Variants in PAX6 observed in about 807,000 individuals in gnomAD.
PAX6 encodes paired box protein Pax-6.
PAX6 carries 7 observed loss-of-function variants against 60.7 expected under a neutral mutation model. That is an observed-to-expected ratio of 0.12 (90% CI 0.07 to 0.22). The LOEUF (loss-of-function observed/expected upper bound fraction) is 0.22. Among genes scored for constraint, PAX6 ranks in the 10% least tolerant of loss-of-function variants. PAX6 has a pLI of 1.00. For synonymous variants in PAX6, 208 were observed against 201.2 expected (o/e 1.03, Z -0.29); for missense variants, 355 against 555.2 (o/e 0.64, Z 3.62).
At chr11:31,800,323 C>G (rs1044340236) in intron 8 of PAX6, among the ~76,000 whole-genome samples, 2 of 152,194 alleles carry the variant, frequency 1.3e-5, no homozygotes, top group African/African-American at 4.8e-5. Context: ...ACCTCGCAGT[C>G]TGTCAGTGCG....
intron 8 of PAX6, among the ~76,000 whole-genome samples, chr11:31,797,089 C>T (rs1565216386): frequency 6.6e-6 from 1 of 152,116 alleles, no homozygotes; most frequent in Non-Finnish European, 1.5e-5. Flanking sequence ...ACTAGAAAGG[C>T]CGGAGGGTTA....
intron 8 of PAX6, among the ~76,000 whole-genome samples, chr11:31,799,376 C>A (rs1361746153): frequency 6.6e-6 from 1 of 152,098 alleles, no homozygotes; most frequent in Admixed American, 6.5e-5. Context: ...AAGAAGCGAG[C>A]GCTTTGCTCC....
At chr11:31,810,125 G>C in intron 2 of PAX6, 1 of 152,312 alleles carries the variant, frequency 6.6e-6, no homozygotes, top group Admixed American at 6.5e-5. Context: ...TGGCCTGGTG[G>C]CTTCCTTCCC....
At chr11:31,811,872 C>T (rs1957068675), upstream of PAX6, 1 of 152,512 alleles carries the variant, frequency 6.6e-6, no homozygotes, top group Non-Finnish European at 1.5e-5. Flanking sequence ...TCCATTCCAG[C>T]TGCGGAGGCC....
intron 1 of PAX6, among the ~76,000 whole-genome samples, chr11:31,816,934 G>A (rs1957409799): frequency 6.6e-6 from 1 of 152,248 alleles, no homozygotes; most frequent in Admixed American, 6.5e-5. Flanking sequence ...CGGGCTCCCA[G>A]GACTTTCGCC....
chr11:31,799,639 G>A (rs762210877), intron 8 of PAX6, among the ~76,000 whole-genome samples: 4 of 152,066 alleles, frequency 2.6e-5, no homozygotes. Context: ...CAGATATTTC[G>A]CATACTGTTA....
Position 31,800,842 on chromosome 11 carries a change from GT to G in PAX6, c.413del (p.Asn138ThrfsTer23), listed in dbSNP as rs886041221. The stretch of plus-strand genomic sequence containing the variant: ...CGCTAGCCAGGTTGCGAAGAACTCT[GT>G]TTATTGATGACACCTGCAAATCAAA... ...NDNIPSVSSI[N>X]RVLRNLASEK... On this transcript the variant is annotated frameshift_variant, in exon 8 of 14. Coordinates refer to ENST00000640368, the MANE Select transcript of PAX6 (RefSeq NM_001368894.2). LOFTEE classifies it high-confidence loss of function. The G allele has an allele frequency of 6.2e-7, 1 of 1,614,138 alleles. No homozygotes were observed. Among genetic ancestry groups the G allele is most frequent in the Non-Finnish European group, 8.5e-7 (1 of 1,179,992 alleles).
At chr11:31,806,196 G>A (rs1484295776) in intron 4 of PAX6, 2 of 536,554 alleles carry the variant, frequency 3.7e-6, no homozygotes, top group Non-Finnish European at 6.5e-6. Flanking sequence ...CCCAGCCCCT[G>A]CTTCTCCAGT....
intron 8 of PAX6, 43 bp from the exon 9 acceptor site, chr11:31,794,831 C>T: frequency 6.2e-7 from 1 of 1,602,920 alleles, no homozygotes; most frequent in Non-Finnish European, 8.5e-7. Flanking sequence ...TTTGGATTAA[C>T]TTGGAGCCTC....
Position 31,801,663 on chromosome 11 carries a change from G to C in PAX6, c.297C>G (p.Ser99Arg). Reference sequence around the variant, plus strand: ...ACTCCCGCTTATACTGGGCTATTTTGCTTACAACTTCTGGAGTCGCTACTC... The same window carrying C: ...ACTCCCGCTTATACTGGGCTATTTTCCTTACAACTTCTGGAGTCGCTACTC... ...KPRVATPEVV[S>R]KIAQYKRECP... Residue 99 changes from serine (S) to arginine (R), a missense_variant, in exon 7 of 14, where the codon AGC (serine) becomes AGG (arginine). By Grantham distance (110) the Ser-to-Arg change is moderately radical (BLOSUM62 -1). This residue lies in a region of PAX6 where 143 missense variants were observed against 183.6 expected (regional missense o/e 0.78). Coordinates refer to ENST00000640368, the MANE Select transcript of PAX6 (RefSeq NM_001368894.2). 1 of 1,614,114 alleles carries C rather than the reference G, an allele frequency of 6.2e-7. No homozygotes were observed. The highest frequency in any genetic ancestry group is 8.5e-7 in the Non-Finnish European group (1 of 1,180,030).
intron 12 of PAX6, chr11:31,791,242 G>T (rs1160819461): frequency 1.6e-5 from 6 of 366,350 alleles, no homozygotes; most frequent in Non-Finnish European, 2.6e-5. Context: ...ATTTATTTGG[G>T]AACCCTATGA....
upstream of PAX6, chr11:31,814,443 A>G (rs1957275816): frequency 6.6e-6 from 1 of 152,238 alleles, no homozygotes; most frequent in Non-Finnish European, 1.5e-5. Flanking sequence ...CTTCAGAACC[A>G]AGAGCCTCCC....
chr11:31,815,463 G>A (rs1377776652), upstream of PAX6, among the ~76,000 whole-genome samples: 2 of 152,028 alleles, frequency 1.3e-5, no homozygotes, highest in African/African-American at 2.4e-5. Context: ...GATTTGTCCC[G>A]TTGTAGACCT....
rs1950981982 is a variant in PAX6 at position 31,794,714 on chromosome 11, C to G, written c.640G>C (p.Ala214Pro). ...CGCTTCAGCTGAAGTCGCATTTGAG[C>G]CTCATCTGAATCTTCTCCGTTGGAA... Reference protein sequence around the residue: ...ISSNGEDSDEAQMRLQLKRKL... With the variant: ...ISSNGEDSDEPQMRLQLKRKL... Residue 214 changes from alanine to proline, a missense_variant, in exon 9 of 14, where the codon GCT becomes CCT. Coordinates refer to ENST00000640368, the MANE Select transcript of PAX6 (RefSeq NM_001368894.2). 1 of 1,614,012 alleles carries G rather than the reference C, an allele frequency of 6.2e-7. No individual in the cohort carries two copies. The highest frequency in any genetic ancestry group is 8.5e-7 in the Non-Finnish European group (1 of 1,180,004).
At chr11:31,815,708 G>A (rs796717241), upstream of PAX6, among the ~76,000 whole-genome samples, 13 of 150,456 alleles carry the variant, frequency 8.6e-5, no homozygotes, top group African/African-American at 3.2e-4. Context: ...TTAGCGACAG[G>A]AGAACAGAGG....
chr11:31,801,343 A>G (rs1459714784), intron 7 of PAX6: 1 of 1,455,526 alleles, frequency 6.9e-7, no homozygotes, highest in Non-Finnish European at 9.0e-7. Flanking sequence ...TGCAGCATGC[A>G]AATGAAGTGA....
chr11:31,800,580 C>G (rs1953373019), intron 8 of PAX6, 111 bp downstream of exon 8: 4 of 1,301,146 alleles, frequency 3.1e-6, no homozygotes, highest in Middle Eastern at 2.4e-4. Context: ...GCAGTCTCAC[C>G]CATGACATTC....
Position 31,802,775 on chromosome 11 carries a change from A to C in PAX6, c.70T>G (p.Ser24Ala), listed in dbSNP as rs1819194915. 2.5e-6 allele frequency: 4 copies of C among 1,613,880 alleles called. No individual in the cohort carries two copies. The highest frequency in any genetic ancestry group is 1.3e-5 in the African/African-American group (1 of 74,906). The change falls in exon 5 of 14, where the codon TCC becomes GCC. Residue 24 changes from serine (S) to alanine (A), a missense_variant. Physicochemically the swap from Ser to Ala is moderately conservative, Grantham distance 99. Coordinates refer to ENST00000640368, the MANE Select transcript of PAX6 (RefSeq NM_001368894.2). The part of the protein sequence containing the change: ...VFVNGRPLPD[S>A]TRQKIVELAH... ...AGCTCTACAATCTTCTGCCGGGTGGAGTCCGGCAGTGGCCGCCCGTTGACA... is the reference window on the plus strand; with the variant it reads ...AGCTCTACAATCTTCTGCCGGGTGGCGTCCGGCAGTGGCCGCCCGTTGACA...
chr11:31,790,398 G>T, intron 13 of PAX6: 1 of 1,269,416 alleles, frequency 7.9e-7, no homozygotes, highest in Non-Finnish European at 1.0e-6. Context: ...CAACAAGCAC[G>T]CACCTACAGC....
Sources: gnomAD v4.1 joint callset for allele counts (sites outside exome capture counted in the v4.1 genomes callset) on GRCh38, gnomAD v4.1.1 for gene constraint, gnomAD v4.1.1 regional missense constraint, MANE v1.5 for transcripts, NCBI Gene and HGNC (gene_info 2026-07-23, HGNC 2026-07-21) for gene names.